The following SPOCK3 variants were observed in gnomAD, a reference collection of about 807,000 sequenced individuals.
The protein encoded by SPOCK3 is testican-3.
In SPOCK3, 30 loss-of-function variants were observed where a neutral mutation model predicts 56.6. That is an observed-to-expected ratio of 0.53 (90% CI 0.40 to 0.72). SPOCK3 has a LOEUF of 0.72. Ranked by LOEUF, SPOCK3 falls within the 30% of genes least tolerant of loss-of-function variation. The pLI is 0.00. For missense variants in SPOCK3, 527 were observed against 530.0 expected, an observed-to-expected ratio of 0.99 and a Z score of 0.06; for synonymous variants, 196 against 183.3, an observed-to-expected ratio of 1.07 and a Z score of -0.56.
intron 2 of SPOCK3, among the ~76,000 whole-genome samples, chr4:167,112,857 A>T (rs1404869799): frequency 6.6e-6 from 1 of 151,990 alleles, no homozygotes; most frequent in African/African-American, 2.4e-5. Flanking sequence ...TTAAAAAAAA[A>T]AATCATATAT....
intron 2 of SPOCK3, among the ~76,000 whole-genome samples, chr4:167,083,729 T>C (rs1387378175): frequency 1.3e-5 from 2 of 152,092 alleles, no homozygotes; most frequent in African/African-American, 4.8e-5. Flanking sequence ...TTCAGAAAGA[T>C]AGGGATAACA....
At chr4:166,752,565 TATATATATACACAC>T (rs57179940) in intron 8 of SPOCK3, among the ~76,000 whole-genome samples, 17,613 of 100,632 alleles carry the variant, frequency 0.18, 1,269 homozygotes, top group South Asian at 0.31. Context: ...TATATATATA[TATATATATACACAC>T]ACACACACAC....
At chr4:167,212,488 G>T (rs1421333984) in intron 2 of SPOCK3, among the ~76,000 whole-genome samples, 1 of 151,976 alleles carries the variant, frequency 6.6e-6, no homozygotes, top group Non-Finnish European at 1.5e-5. Flanking sequence ...TGATCCACCC[G>T]CCTCGGCCTC....
chr4:167,019,716 T>C (rs1016964158), intron 3 of SPOCK3, among the ~76,000 whole-genome samples: 4 of 152,126 alleles, frequency 2.6e-5, no homozygotes, highest in African/African-American at 9.6e-5. Context: ...TGTTAGGGAC[T>C]ACTGAGCATT....
rs560745928 is a variant in SPOCK3 at position 166,933,374 on chromosome 4, C to A, written c.351-20631G>T. Among the ~76,000 whole-genome samples, 53 of 152,312 alleles carry A rather than the reference C, an allele frequency of 3.5e-4. No individual in the cohort carries two copies. In the South Asian group the frequency reaches 5.2e-3, roughly 15 times the overall value. On this transcript the variant is annotated intron_variant, in intron 4 of 10. Coordinates refer to ENST00000357545, the MANE Select transcript of SPOCK3 (RefSeq NM_001040159.2). ...GGCATTGCCTGACTTCCCCACCTCTCCCCTCACTCTGCTTTTCTGGCTCTG... is the reference window on the plus strand; with the variant it reads ...GGCATTGCCTGACTTCCCCACCTCTACCCTCACTCTGCTTTTCTGGCTCTG...
chr4:167,205,977 T>C (rs2110987670), intron 2 of SPOCK3, among the ~76,000 whole-genome samples: 1 of 152,222 alleles, frequency 6.6e-6, no homozygotes, highest in Non-Finnish European at 1.5e-5. Context: ...TGAAATAGTT[T>C]AGAAAATAAT....
chr4:167,155,145 T>G (rs1764711975), intron 2 of SPOCK3, among the ~76,000 whole-genome samples: 1 of 151,702 alleles, frequency 6.6e-6, no homozygotes, highest in Non-Finnish European at 1.5e-5. Flanking sequence ...TAAGGCGGAG[T>G]CTTGCTCTGT....
intron 2 of SPOCK3, among the ~76,000 whole-genome samples, chr4:167,069,307 C>T (rs1335681151): frequency 1.3e-5 from 2 of 151,792 alleles, no homozygotes; most frequent in Admixed American, 6.6e-5. Context: ...TGTCTATATC[C>T]CCAGCAGGGC....
intron 4 of SPOCK3, among the ~76,000 whole-genome samples, chr4:166,923,455 G>A (rs1183729733): frequency 6.6e-6 from 1 of 152,194 alleles, no homozygotes; most frequent in Admixed American, 6.5e-5. Flanking sequence ...AGAAAAGAGA[G>A]ATTCTATTTC....
intron 4 of SPOCK3, among the ~76,000 whole-genome samples, chr4:166,916,472 C>G (rs1023801417): frequency 2.0e-5 from 3 of 152,078 alleles, no homozygotes; most frequent in African/African-American, 7.2e-5. Flanking sequence ...TCTCATTTTC[C>G]TAATAACTAT....
intron 6 of SPOCK3, among the ~76,000 whole-genome samples, chr4:166,880,492 C>A (rs894187003): frequency 6.6e-6 from 1 of 152,114 alleles, no homozygotes; most frequent in South Asian, 2.1e-4. Context: ...AATTCTCCAG[C>A]GTTTACTTTA....
intron 2 of SPOCK3, among the ~76,000 whole-genome samples, chr4:167,076,286 A>C (rs1362486870): frequency 6.6e-6 from 1 of 151,844 alleles, no homozygotes; most frequent in Admixed American, 6.6e-5. Context: ...CCATAATGTA[A>C]ACTATAGATT....
At chr4:166,840,840 G>T (rs922234615) in intron 6 of SPOCK3, among the ~76,000 whole-genome samples, 1 of 137,604 alleles carries the variant, frequency 7.3e-6, no homozygotes, top group Non-Finnish European at 1.5e-5. Flanking sequence ...GTGCAGTGGC[G>T]CAATCTCGGG....
At chr4:166,844,108 A>G (rs1167806835) in intron 6 of SPOCK3, among the ~76,000 whole-genome samples, 2 of 152,198 alleles carry the variant, frequency 1.3e-5, no homozygotes, top group Non-Finnish European at 2.9e-5. Flanking sequence ...GTTCTAAGCC[A>G]CTACAATTTG....
rs114133527 is a variant in SPOCK3, at chr4:166,752,712, T to A, written c.931+1796A>T. ...AGCATATAAATTAATGGTGATTTTT[T>A]AATAAAATTACTTATTGAACTAAAA... is the stretch of plus-strand genomic sequence containing the variant. On this transcript the variant is annotated intron_variant, in intron 8 of 10. Coordinates refer to ENST00000357545, the MANE Select transcript of SPOCK3 (RefSeq NM_001040159.2). Among the ~76,000 whole-genome samples, 497 of 152,166 alleles carry A rather than the reference T, an allele frequency of 3.3e-3. 3 individuals carry two copies. The highest frequency in any genetic ancestry group is 0.011 in the African/African-American group (455 of 41,550).
intron 2 of SPOCK3, among the ~76,000 whole-genome samples, chr4:167,110,073 C>G (rs1760771907): frequency 2.0e-5 from 3 of 151,998 alleles, no homozygotes; most frequent in African/African-American, 7.2e-5. Context: ...CCACATCTAA[C>G]CCTCCTTGGG....
In SPOCK3 at chr4:167,159,230, T is replaced by C. The variant is rs146971315; in HGVS notation, c.189+74755A>G. 2.5e-3 allele frequency among the ~76,000 whole-genome samples: 373 copies of C among 152,162 alleles called. 2 individuals are homozygous for C. Among genetic ancestry groups the C allele is most frequent in the African/African-American group, 8.4e-3 (347 of 41,544 alleles). ...AAAGAAAAAATGTCTTTTTAACATT[T>C]ATCCCAATGGTACCATGGTGATTAT... On this transcript the variant is annotated intron_variant, in intron 2 of 10. Coordinates refer to ENST00000357545, the MANE Select transcript of SPOCK3 (RefSeq NM_001040159.2).
At chr4:167,217,937 C>T (rs150597397) in intron 2 of SPOCK3, among the ~76,000 whole-genome samples, 157 of 151,650 alleles carry the variant, frequency 1.0e-3, no homozygotes, top group Non-Finnish European at 4.9e-4. Flanking sequence ...AAGTTAAACC[C>T]ACAAACCAAA....
chr4:166,911,249 A>AGTAT (rs1737233400), intron 5 of SPOCK3, among the ~76,000 whole-genome samples: 5 of 1,242 alleles, frequency 4.0e-3, no homozygotes, highest in African/African-American at 0.018. Flanking sequence ...CCTAGTGTGT[A>AGTAT]CTATGTATTT....
Sources: allele counts gnomAD v4.1 joint callset (sites outside exome capture counted in the v4.1 genomes callset), GRCh38; gene constraint gnomAD v4.1.1; transcripts MANE v1.5; gene names NCBI Gene and HGNC (gene_info 2026-07-23, HGNC 2026-07-21).